The following CTTNBP2 variants were observed in gnomAD, a reference collection of about 807,000 sequenced individuals.
CTTNBP2 encodes the protein cortactin-binding protein 2.
CTTNBP2 carries 108 observed loss-of-function variants against 156.9 expected under a neutral mutation model. That is an observed-to-expected ratio of 0.69 (90% CI 0.59 to 0.81). The LOEUF (loss-of-function observed/expected upper bound fraction) is 0.81, where lower values mean the gene tolerates loss of function less well. CTTNBP2 is among the 30% of genes least tolerant of loss of function. The pLI is 0.00. For missense variants in CTTNBP2, 1,924 were observed against 2,035.4 expected (o/e 0.95, Z 1.05); for synonymous variants, 767 against 751.8 (o/e 1.02, Z -0.33).
chr7:117,721,427 G>A (rs1033254157), intron 19 of CTTNBP2, among the ~76,000 whole-genome samples: 4 of 152,190 alleles, frequency 2.6e-5, no homozygotes, highest in African/African-American at 9.7e-5. Flanking sequence ...ATGGATGGCC[G>A]TTCTTCTCTT....
At chr7:117,723,821 C>T (rs1212698452) in intron 19 of CTTNBP2, among the ~76,000 whole-genome samples, 2 of 147,306 alleles carry the variant, frequency 1.4e-5, no homozygotes, top group African/African-American at 2.5e-5. Context: ...GGTGTGATCT[C>T]GGCTCACTGC....
rs184821861 is a variant in CTTNBP2 at position 117,737,256 on chromosome 7, G to A, written c.3536-1835C>T. ...TGTATTGTGGAAGTATGAGAAATCC[G>A]TAGTTGGTGAAAACAACAATGGAAA... On this transcript the variant is annotated intron_variant, in intron 14 of 22. Transcript: ENST00000160373. Among the ~76,000 whole-genome samples the A allele has an allele frequency of 4.5e-4, 68 of 152,268 alleles. 1 individual carries two copies. The South Asian group carries it at 6.0e-3, about 13-fold the overall frequency.
rs773009121 is a variant in CTTNBP2 at position 117,719,548 on chromosome 7, G to A, written c.4600C>T (p.Leu1534Phe). The A allele has an allele frequency of 2.5e-6, 4 of 1,614,004 alleles. No homozygotes were observed. The East Asian group carries it at 6.7e-5, about 27-fold the overall frequency. ...SDDEADLVKE[L>F]QSMCSSKSES... The stretch of plus-strand genomic sequence containing the variant: ...GACTTGCTGGAGCACATGCTCTGAA[G>A]TTCCTTGACAAGATCTGCTTCGTCA... Residue 1534 changes from leucine (L) to phenylalanine (F), a missense_variant, in exon 21 of 23, where the codon CTT becomes TTT. Leu to Phe is a conservative substitution (Grantham distance 22, BLOSUM62 0). Transcript: ENST00000160373.
At chr7:117,836,511 T>A (rs552842342) in intron 2 of CTTNBP2, among the ~76,000 whole-genome samples, 1 of 152,072 alleles carries the variant, frequency 6.6e-6, no homozygotes, top group Non-Finnish European at 1.5e-5. Context: ...GGCAGTGAGC[T>A]GAGATCGCGC....
intron 14 of CTTNBP2, among the ~76,000 whole-genome samples, chr7:117,739,566 T>G (rs1462403756): frequency 6.6e-6 from 1 of 152,214 alleles, no homozygotes; most frequent in East Asian, 1.9e-4. Flanking sequence ...CATCCTTATA[T>G]TAAAAGTCCC....
intron 8 of CTTNBP2, among the ~76,000 whole-genome samples, chr7:117,773,991 C>T (rs1032594720): frequency 5.9e-5 from 9 of 152,206 alleles, no homozygotes; most frequent in African/African-American, 2.2e-4. Flanking sequence ...AACAACAGAG[C>T]TGCACAAATC....
intron 9 of CTTNBP2, among the ~76,000 whole-genome samples, chr7:117,763,912 A>G (rs550456399): frequency 1.3e-4 from 19 of 151,726 alleles, no homozygotes; most frequent in Non-Finnish European, 2.4e-4. Context: ...CTATTTCCCA[A>G]TCTTCTTTTA....
At chr7:117,764,249 G>A (rs1303540133) in intron 9 of CTTNBP2, among the ~76,000 whole-genome samples, 1 of 152,144 alleles carries the variant, frequency 6.6e-6, no homozygotes, top group Non-Finnish European at 1.5e-5. Flanking sequence ...AAACTTACAT[G>A]GAAGATTGAG....
chr7:117,720,253 G>A (rs1794708145), intron 20 of CTTNBP2, among the ~76,000 whole-genome samples: 1 of 152,058 alleles, frequency 6.6e-6, no homozygotes. Context: ...AATGTTACAT[G>A]CCAAGTGACA....
chr7:117,802,928 G>A (rs1799719403), intron 3 of CTTNBP2, among the ~76,000 whole-genome samples: 1 of 152,180 alleles, frequency 6.6e-6, no homozygotes, highest in South Asian at 2.1e-4. Flanking sequence ...CTTATACACT[G>A]TCGGTAGAAA....
intron 8 of CTTNBP2, among the ~76,000 whole-genome samples, chr7:117,772,582 C>T (rs1797854963): frequency 6.6e-6 from 1 of 152,092 alleles, no homozygotes; most frequent in Admixed American, 6.5e-5. Flanking sequence ...TAAAAGGAGG[C>T]ACTGTTAATA....
chr7:117,733,021 A>G (rs1038066665), intron 16 of CTTNBP2, among the ~76,000 whole-genome samples: 1 of 152,216 alleles, frequency 6.6e-6, no homozygotes, highest in East Asian at 1.9e-4. Context: ...TAAAAAGGGT[A>G]TAATTGTTTT....
Position 117,711,791 on chromosome 7 carries a change from G to T in CTTNBP2, c.4747-9C>A. On this transcript the variant is annotated splice_polypyrimidine_tract_variant and intron_variant, in intron 22 of 22. Transcript: ENST00000160373. ...CTGAGAGGACTGACCTCCTGTAAGA[G>T]ACAAGAAACCACACAAGTTTATCAC... is the stretch of plus-strand genomic sequence containing the variant. 6.2e-7 allele frequency: 1 copy of T among 1,602,522 alleles called. No individual in the cohort carries two copies. Among genetic ancestry groups the T allele is most frequent in the African/African-American group, 1.3e-5 (1 of 74,530 alleles).
intron 1 of CTTNBP2, among the ~76,000 whole-genome samples, chr7:117,864,693 TATATTC>T (rs1226665675): frequency 6.2e-5 from 9 of 145,592 alleles, no homozygotes; most frequent in Non-Finnish European, 1.0e-4. Flanking sequence ...TATATTCATA[TATATTC>T]ATATATTCAT....
chr7:117,797,730 T>TAAAGC (rs111721962), intron 3 of CTTNBP2, among the ~76,000 whole-genome samples: 9,727 of 151,968 alleles, frequency 0.064, 474 homozygotes, highest in African/African-American at 0.13. Context: ...AATTTGAAAA[T>TAAAGC]AAAGCAAAAG....
intron 2 of CTTNBP2, among the ~76,000 whole-genome samples, chr7:117,828,105 A>G (rs1412651759): frequency 6.6e-6 from 1 of 152,228 alleles, no homozygotes; most frequent in Non-Finnish European, 1.5e-5. Context: ...ATCAAAAGCA[A>G]TCAAGGGAAA....
rs1797153119 is a variant in CTTNBP2, at chr7:117,760,562, T to C, written c.3045A>G (p.Gln1015=). Residue 1015 remains glutamine, a synonymous_variant, in exon 10 of 23, where the codon CAA becomes CAG. Coordinates refer to ENST00000160373, the MANE Select transcript of CTTNBP2 (RefSeq NM_033427.3). ...TTGCCTGGAAATGATTTGTCAGAGC[T>C]TGACTCACTGCTTTTGAAAAATCAT... ...SWDDFSKAVS[Q]ALTNHFQAIS... is the part of the protein sequence containing the mutation. 6.2e-6 allele frequency: 10 copies of C among 1,614,202 alleles called. No homozygotes were observed. The highest frequency in any genetic ancestry group is 8.5e-6 in the Non-Finnish European group (10 of 1,180,020).
At chr7:117,825,606 G>T (rs964991751) in intron 2 of CTTNBP2, among the ~76,000 whole-genome samples, 22 of 152,160 alleles carry the variant, frequency 1.4e-4, no homozygotes, top group African/African-American at 4.8e-4. Flanking sequence ...GTAGAGGGAT[G>T]GGCTCAGAGG....
intron 2 of CTTNBP2, among the ~76,000 whole-genome samples, chr7:117,824,574 A>G (rs1169964322): frequency 1.3e-5 from 2 of 152,248 alleles, no homozygotes; most frequent in Non-Finnish European, 2.9e-5. Context: ...CACACTATGT[A>G]GGTACTGTGA....
Sources: allele counts gnomAD v4.1 joint callset (sites outside exome capture counted in the v4.1 genomes callset), GRCh38; gene constraint gnomAD v4.1.1; transcripts MANE v1.5; gene names NCBI Gene and HGNC (gene_info 2026-07-23, HGNC 2026-07-21).